Variants in LMNTD1 observed in about 807,000 individuals in gnomAD.
The protein encoded by LMNTD1 is lamin tail domain-containing protein 1.
In LMNTD1, 35 loss-of-function variants were observed where a neutral mutation model predicts 50.9. The observed-to-expected ratio is 0.69, with a 90% CI of 0.53 to 0.91. The LOEUF is 0.91. LMNTD1 is among the 40% of genes least tolerant of loss of function. The pLI is 0.00. For synonymous variants in LMNTD1, 153 were observed against 161.9 expected (o/e 0.94, Z 0.42); for missense variants, 470 against 475.5 (o/e 0.99, Z 0.11).
intron 1 of LMNTD1, among the ~76,000 whole-genome samples, chr12:25,616,362 A>C (rs2086279): frequency 0.27 from 41,360 of 152,146 alleles, 7,314 homozygotes; most frequent in East Asian, 0.8. Context: ...ATAAAAAAGA[A>C]TGAACTATTG....
At chr12:25,521,590 G>A (rs1941329421) in intron 6 of LMNTD1, among the ~76,000 whole-genome samples, 1 of 152,196 alleles carries the variant, frequency 6.6e-6, no homozygotes, top group East Asian at 1.9e-4. Context: ...GTGACTTCAT[G>A]TGTAAAACTG....
At chr12:25,519,093 G>T (rs1941037560) in intron 7 of LMNTD1, 126 bp from the exon 8 acceptor site, 14 of 835,394 alleles carry the variant, frequency 1.7e-5, no homozygotes. Context: ...AAACTTTGTG[G>T]GCAGAACTTT....
chr12:25,577,200 TTAAAG>T (rs1357730866), intron 1 of LMNTD1, among the ~76,000 whole-genome samples: 2 of 152,228 alleles, frequency 1.3e-5, no homozygotes, highest in Non-Finnish European at 2.9e-5. Flanking sequence ...CATATGAACT[TTAAAG>T]TAGTTTTTTC....
chr12:25,502,646 C>T (rs999448661), intron 9 of LMNTD1, among the ~76,000 whole-genome samples: 1 of 152,220 alleles, frequency 6.6e-6, no homozygotes, highest in African/African-American at 2.4e-5. Flanking sequence ...AGTCCCTTTT[C>T]AGTCCCAATG....
chr12:25,527,906 G>A (rs1217388377), intron 4 of LMNTD1, among the ~76,000 whole-genome samples: 1 of 151,458 alleles, frequency 6.6e-6, no homozygotes, highest in East Asian at 1.9e-4. Context: ...AAACTGAGGT[G>A]AGGCTATTTA....
At chr12:25,512,863 A>T (rs202193183) in intron 8 of LMNTD1, among the ~76,000 whole-genome samples, 19 of 130,352 alleles carry the variant, frequency 1.5e-4, no homozygotes, top group Non-Finnish European at 2.6e-4. Context: ...TTTTTTTTTT[A>T]TGGGGGGGGG....
At chr12:25,553,998 T>G (rs376530796), upstream of LMNTD1, among the ~76,000 whole-genome samples, 32 of 152,300 alleles carry the variant, frequency 2.1e-4, no homozygotes, top group African/African-American at 6.3e-4. Flanking sequence ...AAATGATTTT[T>G]AAAGACAATA....
upstream of LMNTD1, chr12:25,557,183 C>G (rs559927048): frequency 1.3e-5 from 2 of 152,312 alleles, no homozygotes; most frequent in African/African-American, 4.8e-5. Context: ...CAATTCATTT[C>G]TTTTACACAG....
At chr12:25,496,417 C>T (rs1271748063) in intron 9 of LMNTD1, among the ~76,000 whole-genome samples, 3 of 152,092 alleles carry the variant, frequency 2.0e-5, no homozygotes, top group African/African-American at 7.2e-5. Context: ...TAACCATGAA[C>T]AAAACGGAAC....
chr12:25,493,171 G>C (rs1052640701), intron 9 of LMNTD1, among the ~76,000 whole-genome samples: 1 of 151,950 alleles, frequency 6.6e-6, no homozygotes, highest in Admixed American at 6.6e-5. Context: ...CTTTCCCACT[G>C]GTCTATGACT....
chr12:25,564,668 T>A (rs7296234), intron 1 of LMNTD1, among the ~76,000 whole-genome samples: 57,465 of 152,090 alleles, frequency 0.38, 13,143 homozygotes, highest in Non-Finnish European at 0.53. Flanking sequence ...TCCTTGAGAA[T>A]GATCCATGTG....
chr12:25,538,598 G>A (rs907821809), intron 4 of LMNTD1, among the ~76,000 whole-genome samples: 17 of 141,664 alleles, frequency 1.2e-4, no homozygotes, highest in African/African-American at 3.1e-4. Context: ...AGGAACAACC[G>A]GTACCAGCCG....
At chr12:25,521,313 T>C (rs988382868) in intron 6 of LMNTD1, among the ~76,000 whole-genome samples, 3 of 152,158 alleles carry the variant, frequency 2.0e-5, no homozygotes, top group Non-Finnish European at 4.4e-5. Flanking sequence ...TCAAGGAGCT[T>C]TTCCCCTATG....
At chr12:25,606,248 T>C (rs1327196964) in intron 1 of LMNTD1, among the ~76,000 whole-genome samples, 1 of 152,026 alleles carries the variant, frequency 6.6e-6, no homozygotes, top group East Asian at 1.9e-4. Context: ...GACGATGGGG[T>C]TTTCTAGATA....
At chr12:25,551,188 T>C (rs1943724976) in intron 2 of LMNTD1, among the ~76,000 whole-genome samples, 1 of 152,208 alleles carries the variant, frequency 6.6e-6, no homozygotes, top group South Asian at 2.1e-4. Flanking sequence ...CTGGGCTTCA[T>C]AACAGACTGG....
chr12:25,496,325 A>T lies in LMNTD1; in HGVS notation c.*22+7413T>A, dbSNP rs935125078. On this transcript the variant is annotated intron_variant, in intron 9 of 9. Coordinates refer to ENST00000458174, the MANE Select transcript of LMNTD1 (RefSeq NM_001145728.2). ...AGACAGCTGGAAGAAATTTTAAACCATGAAATAAGTTAACTTTTATTGTAC... is the reference window on the plus strand; with the variant it reads ...AGACAGCTGGAAGAAATTTTAAACCTTGAAATAAGTTAACTTTTATTGTAC... 7.2e-5 allele frequency among the ~76,000 whole-genome samples: 11 copies of T among 152,204 alleles called. 1 individual carries two copies. The highest frequency in any genetic ancestry group is 1.5e-4 in the Non-Finnish European group (10 of 68,012).
intron 4 of LMNTD1, among the ~76,000 whole-genome samples, chr12:25,527,661 TATATATATATATATATATATACAC>T (rs1421867510): frequency 2.0e-4 from 5 of 24,910 alleles, no homozygotes; most frequent in South Asian, 1.6e-3. Context: ...TATATATATA[TATATATATATATATATATATACAC>T]ACACACACAC....
chr12:25,551,380 A>G (rs1046230326), intron 2 of LMNTD1, among the ~76,000 whole-genome samples: 2 of 146,716 alleles, frequency 1.4e-5, no homozygotes. Flanking sequence ...TGAATAAGAA[A>G]TTTTTTTCTT....
At chr12:25,628,573 G>A (rs1213574745) in intron 1 of LMNTD1, among the ~76,000 whole-genome samples, 2 of 152,166 alleles carry the variant, frequency 1.3e-5, no homozygotes, top group Admixed American at 6.5e-5. Flanking sequence ...ATGTGGTCAA[G>A]TTAAAAATCT....
Sources: gnomAD v4.1 joint callset for allele counts (sites outside exome capture counted in the v4.1 genomes callset) on GRCh38, gnomAD v4.1.1 for gene constraint, MANE v1.5 for transcripts, NCBI Gene and HGNC (gene_info 2026-07-23, HGNC 2026-07-21) for gene names.